WWP2: variants seen among roughly 807,000 people sequenced by gnomAD.
WWP2 encodes NEDD4-like E3 ubiquitin-protein ligase WWP2.
A neutral mutation model predicts 121.0 loss-of-function variants in WWP2; 57 were observed. The observed-to-expected ratio is 0.47, with a 90% confidence interval of 0.38 to 0.59. The LOEUF is 0.59. Ranked by LOEUF, WWP2 falls within the 20% of genes least tolerant of loss-of-function variation. The probability of loss-of-function intolerance (pLI) is 0.00; values close to 1 mark genes in which losing one functional copy is unlikely to be tolerated. For missense variants in WWP2, 962 were observed against 1,158.9 expected (o/e 0.83, Z 2.47); for synonymous variants, 449 against 441.3 (o/e 1.02, Z -0.22).
chr16:69,790,343 G>GA (rs1000604684), intron 2 of WWP2, among the ~76,000 whole-genome samples: 3 of 152,088 alleles, frequency 2.0e-5, no homozygotes, highest in Admixed American at 6.6e-5. Context: ...ATAAGCTAGA[G>GA]AAAAAATCAT....
At chr16:69,872,057 A>G in intron 7 of WWP2, 126 bp downstream of exon 7, 1 of 1,381,768 alleles carries the variant, frequency 7.2e-7, no homozygotes, top group Non-Finnish European at 9.6e-7. Context: ...CTAGGACTAA[A>G]CTGGATTTGA....
intron 6 of WWP2, among the ~76,000 whole-genome samples, chr16:69,857,810 C>T (rs762634781): frequency 6.6e-6 from 1 of 151,714 alleles, no homozygotes; most frequent in African/African-American, 2.4e-5. Flanking sequence ...TACAGGTGTG[C>T]GCCACCATGC....
chr16:69,906,880 T>TA (rs772444842), intron 8 of WWP2, among the ~76,000 whole-genome samples: 17 of 151,988 alleles, frequency 1.1e-4, no homozygotes, highest in Non-Finnish European at 2.4e-4. Flanking sequence ...ACTCTGTCTT[T>TA]AAAAAAATAA....
chr16:69,936,289 C>A (rs573744157), intron 18 of WWP2, 23 bp from the exon 19 acceptor site: 7 of 1,613,878 alleles, frequency 4.3e-6, no homozygotes, highest in Non-Finnish European at 5.9e-6. Context: ...GACATCTCCC[C>A]ACTTGGTCTC....
intron 7 of WWP2, among the ~76,000 whole-genome samples, chr16:69,886,228 C>G (rs1275280609): frequency 6.6e-6 from 1 of 152,140 alleles, no homozygotes; most frequent in East Asian, 1.9e-4. Flanking sequence ...CACAGGTGGG[C>G]ACCACCATGC....
At chr16:69,863,726 T>C (rs763006269) in intron 6 of WWP2, among the ~76,000 whole-genome samples, 27 of 152,180 alleles carry the variant, frequency 1.8e-4, no homozygotes, top group Non-Finnish European at 3.4e-4. Flanking sequence ...TGTAGCCAGC[T>C]CCTCCTTGTA....
At chr16:69,827,945 G>T (rs576912549) in intron 4 of WWP2, 1 of 454,516 alleles carries the variant, frequency 2.2e-6, no homozygotes, top group Non-Finnish European at 4.4e-6. Context: ...TTACCAAGAC[G>T]GATGAAATCT....
chr16:69,844,395 C>A (rs2057032240), intron 6 of WWP2, among the ~76,000 whole-genome samples: 2 of 152,160 alleles, frequency 1.3e-5, no homozygotes, highest in Non-Finnish European at 2.9e-5. Context: ...GAGAGTGATG[C>A]CTTCTCAGCT....
chr16:69,884,371 C>T (rs2057886455), intron 7 of WWP2, among the ~76,000 whole-genome samples: 1 of 152,148 alleles, frequency 6.6e-6, no homozygotes, highest in South Asian at 2.1e-4. Flanking sequence ...TGCCTGTGAT[C>T]CCAGCACTTT....
Position 69,930,215 on chromosome 16 carries a change from C to T in WWP2, c.1402C>T (p.Arg468Cys), listed in dbSNP as rs777143460. 9 of 1,613,924 alleles carry T rather than the reference C, an allele frequency of 5.6e-6. No homozygotes were observed. The highest frequency in any genetic ancestry group is 1.3e-5 in the African/African-American group (1 of 74,922). ...GVRYFVDHNT[R>C]TTTFKDPRPG... ...GCGATACTTTGTGGACCACAATACC[C>T]GCACCACCACCTTTAAGGATCCTCG... The change falls in exon 13 of 24, where the codon CGC (arginine) becomes TGC (cysteine). Residue 468 changes from arginine to cysteine, a missense_variant. Physicochemically the swap from Arg to Cys is radical, Grantham distance 180. Coordinates refer to ENST00000359154, the MANE Select transcript of WWP2 (RefSeq NM_001270454.2).
intron 7 of WWP2, among the ~76,000 whole-genome samples, chr16:69,873,030 C>T (rs530002367): frequency 3.0e-4 from 45 of 152,222 alleles, no homozygotes; most frequent in Middle Eastern, 6.8e-3. Flanking sequence ...GTAGATGTTT[C>T]GCTTGGATGA....
intron 7 of WWP2, among the ~76,000 whole-genome samples, chr16:69,879,612 C>A (rs1190067059): frequency 2.6e-5 from 4 of 152,148 alleles, no homozygotes; most frequent in Non-Finnish European, 4.4e-5. Flanking sequence ...TTTGTTTCTC[C>A]ATTCATCTGT....
At chr16:69,884,924 T>G (rs1206419790) in intron 7 of WWP2, among the ~76,000 whole-genome samples, 3 of 152,234 alleles carry the variant, frequency 2.0e-5, no homozygotes. Flanking sequence ...ATTACTATTT[T>G]GCAGGCTTCA....
At chr16:69,849,643 A>G (rs16959271) in intron 6 of WWP2, among the ~76,000 whole-genome samples, 22,100 of 152,070 alleles carry the variant, frequency 0.15, 1,893 homozygotes, top group East Asian at 0.4. Flanking sequence ...TCCAAGCCAG[A>G]CGTTGAAAAG....
In WWP2 at chr16:69,931,213, C is replaced by T. The variant is rs781621999; in HGVS notation, c.1507C>T (p.Arg503Cys). The part of the protein sequence containing the change: ...RSFRWKYHQF[R>C]FLCHSNALPS... ...TTTTCGGTGGAAGTATCACCAGTTC[C>T]GTTTCCTCTGCCATGTGAGTTCTGG... Residue 503 changes from arginine (R) to cysteine (C), a missense_variant, in exon 14 of 24, where the codon CGT becomes TGT. Physicochemically the swap from Arg to Cys is radical, Grantham distance 180 (BLOSUM62 -3). Transcript: ENST00000359154. 3.7e-6 allele frequency: 6 copies of T among 1,613,966 alleles called. No homozygotes were observed. The African/African-American group carries it at 4.0e-5, about 11-fold the overall frequency.
intron 6 of WWP2, among the ~76,000 whole-genome samples, chr16:69,846,722 G>GAA (rs1213367186): frequency 1.6e-5 from 2 of 123,970 alleles, no homozygotes; most frequent in Non-Finnish European, 1.7e-5. Context: ...TCTGTCTCAA[G>GAA]AAAAAAAAAA....
chr16:69,867,304 A>T (rs1248743758), intron 6 of WWP2, among the ~76,000 whole-genome samples: 1 of 152,204 alleles, frequency 6.6e-6, no homozygotes, highest in African/African-American at 2.4e-5. Context: ...CCAAAGCAGC[A>T]TTGTGTGCTA....
intron 6 of WWP2, among the ~76,000 whole-genome samples, chr16:69,868,668 C>T (rs1450230963): frequency 3.4e-4 from 12 of 35,264 alleles, no homozygotes; most frequent in Admixed American, 1.9e-3. Flanking sequence ...TGTGCACACA[C>T]ACACACACAC....
intron 6 of WWP2, among the ~76,000 whole-genome samples, chr16:69,848,637 TAA>T (rs529487746): frequency 0.074 from 6,027 of 81,720 alleles, 149 homozygotes; most frequent in South Asian, 0.1. Context: ...ATGCTGTTGC[TAA>T]AAAAAAAAAA....
Sources: gnomAD v4.1 joint callset for allele counts (sites outside exome capture counted in the v4.1 genomes callset) on GRCh38, gnomAD v4.1.1 for gene constraint, MANE v1.5 for transcripts, NCBI Gene and HGNC (gene_info 2026-07-23, HGNC 2026-07-21) for gene names.